The following KIAA1217 variants were observed in gnomAD, a reference collection of about 807,000 sequenced individuals.
KIAA1217 encodes KIAA1217.
A neutral mutation model predicts 163.9 loss-of-function variants in KIAA1217; 88 were observed. The ratio of observed to expected loss-of-function variants is 0.54; its 90% CI spans 0.45 to 0.64. The LOEUF (loss-of-function observed/expected upper bound fraction) is 0.64, where lower values mean the gene tolerates loss of function less well. KIAA1217 is among the 30% of genes least tolerant of loss of function. The pLI is 0.00. For missense variants in KIAA1217, 2,372 were observed against 2,475.0 expected, an observed-to-expected ratio of 0.96 and a Z score of 0.88; for synonymous variants, 903 against 923.1, an observed-to-expected ratio of 0.98 and a Z score of 0.39.
chr10:23,817,998 TA>T (rs1418187718), intron 1 of KIAA1217, among the ~76,000 whole-genome samples: 3 of 103,740 alleles, frequency 2.9e-5, no homozygotes, highest in Non-Finnish European at 5.7e-5. Context: ...TATATATATA[TA>T]TATATATATA....
In KIAA1217 at chr10:24,546,664, A is replaced by T. The variant is rs937212909; in HGVS notation, c.*340A>T. On this transcript the variant is annotated 3_prime_UTR_variant, in exon 21 of 21. Coordinates refer to ENST00000376454, the MANE Select transcript of KIAA1217 (RefSeq NM_019590.5). ...ACATGTATGATTCCAGAATTTTAGT[A>T]TGTTTTGTATAAAACTATTTTTCAT... 2.0e-5 allele frequency: 4 copies of T among 196,428 alleles called. No homozygotes were observed. The highest frequency in any genetic ancestry group is 3.1e-5 in the Non-Finnish European group (3 of 96,566). The allele number at this position is 196,428 out of a possible 1,614,324, so 12.2% of individuals were successfully genotyped here. A position where few individuals can be genotyped will look rare whatever the true frequency, so the allele number is the denominator to read the frequency against.
intron 2 of KIAA1217, among the ~76,000 whole-genome samples, chr10:24,130,789 G>A (rs948647220): frequency 9.9e-5 from 15 of 152,132 alleles, no homozygotes; most frequent in Admixed American, 2.0e-4. Flanking sequence ...CATATAATTC[G>A]TCACCATCAT....
intron 13 of KIAA1217, among the ~76,000 whole-genome samples, chr10:24,525,526 C>T (rs1245600580): frequency 1.3e-5 from 2 of 152,092 alleles, no homozygotes; most frequent in Non-Finnish European, 2.9e-5. Context: ...AGCTCTAATC[C>T]GTGATTTTTT....
At chr10:24,258,430 A>G (rs141537727) in intron 2 of KIAA1217, among the ~76,000 whole-genome samples, 1 of 152,224 alleles carries the variant, frequency 6.6e-6, no homozygotes, top group Non-Finnish European at 1.5e-5. Flanking sequence ...GTGAGAGAAC[A>G]AATGTGTAAC....
At chr10:23,848,699 A>G (rs577196381) in intron 1 of KIAA1217, among the ~76,000 whole-genome samples, 1 of 152,140 alleles carries the variant, frequency 6.6e-6, no homozygotes, top group Non-Finnish European at 1.5e-5. Context: ...CACATATCCA[A>G]GCATCTCCAA....
intron 1 of KIAA1217, among the ~76,000 whole-genome samples, chr10:23,834,587 A>T (rs1838361310): frequency 6.6e-6 from 1 of 152,096 alleles, no homozygotes. Context: ...AAAAATGAGG[A>T]ATTTGGGGTC....
At chr10:23,746,479 A>G (rs1194145944) in intron 1 of KIAA1217, among the ~76,000 whole-genome samples, 1 of 152,048 alleles carries the variant, frequency 6.6e-6, no homozygotes, top group Non-Finnish European at 1.5e-5. Context: ...GCTGGAGTGC[A>G]GTGGTGCGAT....
chr10:24,432,627 T>C (rs911291488), intron 3 of KIAA1217, among the ~76,000 whole-genome samples: 2 of 152,010 alleles, frequency 1.3e-5, no homozygotes, highest in African/African-American at 4.8e-5. Context: ...AGCTAATTTT[T>C]TTTTTTCCAA....
At chr10:24,062,020 T>A (rs1291332734) in intron 2 of KIAA1217, among the ~76,000 whole-genome samples, 1 of 152,122 alleles carries the variant, frequency 6.6e-6, no homozygotes, top group Non-Finnish European at 1.5e-5. Flanking sequence ...ATGCTCATAG[T>A]GTGTACTTGA....
At chr10:24,005,487 C>G (rs1279844893) in intron 1 of KIAA1217, among the ~76,000 whole-genome samples, 1 of 152,134 alleles carries the variant, frequency 6.6e-6, no homozygotes, top group Non-Finnish European at 1.5e-5. Context: ...CACCTGGTCA[C>G]TGGTTTATGT....
intron 4 of KIAA1217, among the ~76,000 whole-genome samples, chr10:24,434,458 C>T (rs765486910): frequency 3.9e-5 from 6 of 152,184 alleles, no homozygotes; most frequent in Non-Finnish European, 7.3e-5. Context: ...CCACCTCTGC[C>T]TTCCGAGTAG....
chr10:24,075,271 A>T (rs949418843), intron 2 of KIAA1217, among the ~76,000 whole-genome samples: 1 of 152,160 alleles, frequency 6.6e-6, no homozygotes, highest in African/African-American at 2.4e-5. Context: ...TGAAAGACGT[A>T]TCATTCCAAA....
intron 1 of KIAA1217, among the ~76,000 whole-genome samples, chr10:23,727,376 A>G (rs1201444689): frequency 6.6e-6 from 1 of 152,088 alleles, no homozygotes. Flanking sequence ...CCTGGCCAAC[A>G]TGGTGAAACT....
In KIAA1217 at chr10:23,880,695, G is replaced by C. The variant is rs76328062; in HGVS notation, c.-320-126530G>C. On this transcript the variant is annotated intron_variant, in intron 1 of 18. Coordinates refer to the KIAA1217 transcript ENST00000376462. Reference sequence around the variant, plus strand: ...ATTATTATGCGTGGCATGCTTGTATGAAAATATCTCTTTTAATCCATAAAT... The same window carrying C: ...ATTATTATGCGTGGCATGCTTGTATCAAAATATCTCTTTTAATCCATAAAT... Among the ~76,000 whole-genome samples, 1,096 of 151,998 alleles carry C rather than the reference G, an allele frequency of 7.2e-3. 35 individuals are homozygous for C. Among genetic ancestry groups the C allele is most frequent in the Admixed American group, 0.046 (697 of 15,250 alleles).
intron 2 of KIAA1217, among the ~76,000 whole-genome samples, chr10:24,119,212 C>T (rs1220138152): frequency 6.6e-6 from 1 of 152,132 alleles, no homozygotes; most frequent in African/African-American, 2.4e-5. Flanking sequence ...CTCATTTCCT[C>T]CAATAATATA....
intron 1 of KIAA1217, among the ~76,000 whole-genome samples, chr10:23,930,934 A>G (rs553102940): frequency 1.3e-5 from 2 of 152,244 alleles, no homozygotes; most frequent in African/African-American, 4.8e-5. Context: ...GATACACCCA[A>G]TTATACAGGA....
At chr10:24,015,495 C>T (rs1411406574) in intron 2 of KIAA1217, among the ~76,000 whole-genome samples, 4 of 151,926 alleles carry the variant, frequency 2.6e-5, no homozygotes, top group Non-Finnish European at 5.9e-5. Flanking sequence ...GTGGCTTATA[C>T]CCATAATCCC....
chr10:24,241,925 G>A (rs190033442), intron 2 of KIAA1217, among the ~76,000 whole-genome samples: 5 of 152,148 alleles, frequency 3.3e-5, no homozygotes, highest in Non-Finnish European at 5.9e-5. Context: ...TAGGCTCATC[G>A]AGGGGGATTC....
Position 24,014,589 on chromosome 10 carries a change from G to T in KIAA1217, c.-171+7215G>T, listed in dbSNP as rs150092474. Among the ~76,000 whole-genome samples the T allele has an allele frequency of 2.5e-3, 384 of 152,224 alleles. 2 individuals are homozygous for T. Among genetic ancestry groups the T allele is most frequent in the Middle Eastern group, 3.4e-3 (1 of 294 alleles). ...ATTTCCCATAATGCCATGTGGACAT[G>T]ATAAATTGTACCATTTTGCCAGTTA... On this transcript the variant is annotated intron_variant, in intron 2 of 18. Coordinates refer to the KIAA1217 transcript ENST00000376462.
Sources: gnomAD v4.1 joint callset for allele counts (sites outside exome capture counted in the v4.1 genomes callset) on GRCh38, gnomAD v4.1.1 for gene constraint, MANE v1.5 for transcripts, NCBI Gene and HGNC (gene_info 2026-07-23, HGNC 2026-07-21) for gene names.